CDS1: variants seen among roughly 807,000 people sequenced by gnomAD.
CDS1 encodes CDP-diacylglycerol synthase 1, also known as phosphatidate cytidylyltransferase 1.
In CDS1, 41 loss-of-function variants were observed where a neutral mutation model predicts 62.1. The observed-to-expected ratio is 0.66, with a 90% CI of 0.51 to 0.86. CDS1 has a LOEUF of 0.86. Ranked by LOEUF, CDS1 falls within the 40% of genes least tolerant of loss-of-function variation. The probability of loss-of-function intolerance (pLI) is 0.00; values close to 1 mark genes in which losing one functional copy is unlikely to be tolerated. For missense variants in CDS1, 470 were observed against 550.1 expected, an observed-to-expected ratio of 0.85 and a Z score of 1.46; for synonymous variants, 185 against 192.6, an observed-to-expected ratio of 0.96 and a Z score of 0.32.
intron 1 of CDS1, among the ~76,000 whole-genome samples, 192 bp downstream of exon 1, chr4:84,583,710 A>C (rs112096348): frequency 0.038 from 5,715 of 152,060 alleles, 125 homozygotes; most frequent in African/African-American, 0.049. Flanking sequence ...AGTGGCGGTG[A>C]GGTTCCCAGG....
At chr4:84,628,600 A>G (rs769341375) in intron 5 of CDS1, among the ~76,000 whole-genome samples, 10 of 152,132 alleles carry the variant, frequency 6.6e-5, no homozygotes, top group Non-Finnish European at 1.2e-4. Context: ...TAGCTTGATC[A>G]TAGCTCACTG....
At chr4:84,587,655 T>G (rs1722460817) in intron 1 of CDS1, among the ~76,000 whole-genome samples, 1 of 152,160 alleles carries the variant, frequency 6.6e-6, no homozygotes, top group Non-Finnish European at 1.5e-5. Context: ...AAGGGAGAAC[T>G]TCCCCTCTGC....
chr4:84,588,905 C>T (rs1409430317), intron 1 of CDS1, among the ~76,000 whole-genome samples: 1 of 152,082 alleles, frequency 6.6e-6, no homozygotes, highest in East Asian at 1.9e-4. Context: ...AACTTGTGAC[C>T]TTTTATTAGT....
At chr4:84,596,696 C>T (rs1331686460) in intron 1 of CDS1, among the ~76,000 whole-genome samples, 1 of 152,162 alleles carries the variant, frequency 6.6e-6, no homozygotes, top group African/African-American at 2.4e-5. Context: ...GGGATTAAGA[C>T]GTGAATATCT....
intron 1 of CDS1, among the ~76,000 whole-genome samples, chr4:84,598,065 G>T (rs896219503): frequency 6.6e-6 from 1 of 151,152 alleles, no homozygotes; most frequent in Non-Finnish European, 1.5e-5. Flanking sequence ...GGCAGAGATT[G>T]CAGTGAGCCG....
intron 3 of CDS1, among the ~76,000 whole-genome samples, chr4:84,613,506 T>G (rs976902466): frequency 1.4e-4 from 22 of 151,950 alleles, no homozygotes; most frequent in African/African-American, 4.6e-4. Flanking sequence ...GCTACTCAGG[T>G]GGCTGAGGCA....
chr4:84,583,552 C>T lies in CDS1; in HGVS notation c.117+34C>T, dbSNP rs1449762451. On this transcript the variant is annotated intron_variant, in intron 1 of 12. Coordinates refer to ENST00000295887, the MANE Select transcript of CDS1 (RefSeq NM_001263.4). ...AGCCGAGAGAGGCGGACGCCGCGCC[C>T]TGGCTGGGTCCTGGTTGGAAGCGGG... The T allele has an allele frequency of 2.3e-6, 3 of 1,328,160 alleles. No individual in the cohort carries two copies. In the Admixed American group the frequency reaches 7.1e-5, roughly 31 times the overall value. The allele number at this position is 1,328,160 out of a possible 1,614,324, so 82.3% of individuals were successfully genotyped here. A position where few individuals can be genotyped will look rare whatever the true frequency, so the allele number is the denominator to read the frequency against.
chr4:84,635,197 C>A (rs933888980), intron 7 of CDS1, 67 bp from the exon 8 acceptor site: 14 of 765,402 alleles, frequency 1.8e-5, no homozygotes, highest in Non-Finnish European at 2.9e-5. Flanking sequence ...CATAACCTTT[C>A]CGAATATCTG....
intron 3 of CDS1, among the ~76,000 whole-genome samples, chr4:84,612,762 A>C (rs1376332012): frequency 6.6e-6 from 1 of 151,970 alleles, no homozygotes; most frequent in African/African-American, 2.4e-5. Flanking sequence ...AGGCCGAGGC[A>C]GGTAGATCAT....
At chr4:84,599,403 C>CATTATATAT (rs1478443460) in intron 1 of CDS1, among the ~76,000 whole-genome samples, 4 of 17,230 alleles carry the variant, frequency 2.3e-4, no homozygotes, top group Non-Finnish European at 4.2e-4. Flanking sequence ...GACACACACA[C>CATTATATAT]ACATATATAT....
chr4:84,627,675 G>A (rs1723902323), intron 5 of CDS1, among the ~76,000 whole-genome samples: 1 of 152,106 alleles, frequency 6.6e-6, no homozygotes, highest in Non-Finnish European at 1.5e-5. Flanking sequence ...TTCTTATGGA[G>A]ATAATATGAC....
chr4:84,606,547 T>C (rs1211662377), intron 2 of CDS1, among the ~76,000 whole-genome samples: 1 of 152,238 alleles, frequency 6.6e-6, no homozygotes, highest in Non-Finnish European at 1.5e-5. Context: ...ATTTAGTATA[T>C]TACTAAATGT....
At chr4:84,590,261 C>T (rs755340111) in intron 1 of CDS1, among the ~76,000 whole-genome samples, 2 of 152,194 alleles carry the variant, frequency 1.3e-5, no homozygotes, top group Non-Finnish European at 2.9e-5. Context: ...TGCTTCCTTT[C>T]AAAGAGTTGA....
At chr4:84,620,262 G>A (rs374142097) in intron 5 of CDS1, among the ~76,000 whole-genome samples, 15 of 122,156 alleles carry the variant, frequency 1.2e-4, no homozygotes, top group Middle Eastern at 6.2e-3. Context: ...TCACTCTGTC[G>A]CCCAGGGTGG....
Position 84,650,608 on chromosome 4 carries a change from G to A in CDS1, c.*1922G>A, listed in dbSNP as rs1724703122. The stretch of plus-strand genomic sequence containing the variant: ...CACATTTGTATTTAAAATAATTGGT[G>A]AGGCATTGAAATCCAGAATTATAAG... On this transcript the variant is annotated 3_prime_UTR_variant, in exon 13 of 13. Coordinates refer to ENST00000295887, the MANE Select transcript of CDS1 (RefSeq NM_001263.4). The A allele has an allele frequency of 6.6e-6, 1 of 152,130 alleles. No homozygotes were observed. The highest frequency in any genetic ancestry group is 1.5e-5 in the Non-Finnish European group (1 of 68,018). The allele number at this position is 152,130 out of a possible 1,614,324, so 9.4% of individuals were successfully genotyped here.
At chr4:84,609,197 A>AAAG (rs1723236811) in intron 2 of CDS1, among the ~76,000 whole-genome samples, 1 of 145,924 alleles carries the variant, frequency 6.9e-6, no homozygotes. Flanking sequence ...AAAAAAAAAA[A>AAAG]AAAAGAAAAG....
chr4:84,615,459 CCTT>C (rs764334270), intron 3 of CDS1, among the ~76,000 whole-genome samples: 11 of 152,218 alleles, frequency 7.2e-5, no homozygotes, highest in Admixed American at 1.3e-4. Flanking sequence ...ATCTCTCTCT[CCTT>C]CTTACCCCCA....
At chr4:84,634,043 G>A (rs13102661) in intron 7 of CDS1, 104 bp downstream of exon 7, 311,749 of 563,632 alleles carry the variant, frequency 0.55, 88,968 homozygotes, top group South Asian at 0.71. Context: ...TGTACTGTTT[G>A]TTGTTCTTAT....
rs1455319013 is a variant in CDS1 at position 84,648,559 on chromosome 4, G to A, written c.1259G>A (p.Gly420Asp). 6.2e-7 allele frequency: 1 copy of A among 1,612,296 alleles called. No individual in the cohort carries two copies. Among genetic ancestry groups the A allele is most frequent in the Non-Finnish European group, 8.5e-7 (1 of 1,179,336 alleles). ...VHVYITSFIRGPNPSKVLQQL... is the reference protein window; with the variant it reads ...VHVYITSFIRDPNPSKVLQQL... ...TCTTCTTTGCCTTTTATCATTAGGG[G>A]CCCAAATCCCAGCAAAGTGCTACAG... The change falls in exon 13 of 13, where the codon GGC (glycine) becomes GAC (aspartate). Residue 420 changes from glycine (G) to aspartate (D), a missense_variant and splice_region_variant. By Grantham distance (94) the Gly-to-Asp change is moderately conservative. Coordinates refer to ENST00000295887, the MANE Select transcript of CDS1 (RefSeq NM_001263.4).
Sources: gnomAD v4.1 joint callset for allele counts (sites outside exome capture counted in the v4.1 genomes callset) on GRCh38, gnomAD v4.1.1 for gene constraint, MANE v1.5 for transcripts, NCBI Gene and HGNC (gene_info 2026-07-23, HGNC 2026-07-21) for gene names.